Variants in PLD5 observed in about 807,000 individuals in gnomAD.
PLD5 encodes inactive phospholipase D5.
In PLD5, 36 loss-of-function variants were observed where a neutral mutation model predicts 61.1. The observed-to-expected ratio is 0.59, with a 90% CI of 0.45 to 0.78. The LOEUF (loss-of-function observed/expected upper bound fraction) is 0.78, where lower values mean the gene tolerates loss of function less well. Among genes scored for constraint, PLD5 ranks in the 30% least tolerant of loss-of-function variants. The pLI is 0.00. For synonymous variants in PLD5, 243 were observed against 242.8 expected (o/e 1.00, Z -0.01); for missense variants, 515 against 644.4 (o/e 0.80, Z 2.17).
intron 1 of PLD5, among the ~76,000 whole-genome samples, chr1:242,491,881 CT>C (rs1434405252): frequency 6.6e-6 from 1 of 152,190 alleles, no homozygotes; most frequent in Admixed American, 6.5e-5. Context: ...TCATTTATCC[CT>C]TCCTTCTTCA....
At chr1:242,143,882 C>A (rs1017196729) in intron 5 of PLD5, among the ~76,000 whole-genome samples, 2 of 151,168 alleles carry the variant, frequency 1.3e-5, no homozygotes, top group Non-Finnish European at 2.9e-5. Flanking sequence ...TGATCTGTTG[C>A]CCAGGCTGGA....
chr1:242,307,356 A>ATGATGG, intron 2 of PLD5, among the ~76,000 whole-genome samples: 1 of 149,298 alleles, frequency 6.7e-6, no homozygotes, highest in Non-Finnish European at 1.5e-5. Context: ...GACGGTGATG[A>ATGATGG]TGATGGTGAT....
intron 4 of PLD5, among the ~76,000 whole-genome samples, chr1:242,253,093 G>A (rs1274699245): frequency 6.7e-6 from 1 of 149,080 alleles, no homozygotes; most frequent in Non-Finnish European, 1.5e-5. Flanking sequence ...GGGATTACAG[G>A]CGTGAGCCAC....
At chr1:242,233,784 C>T (rs1671463897) in intron 4 of PLD5, among the ~76,000 whole-genome samples, 1 of 152,050 alleles carries the variant, frequency 6.6e-6, no homozygotes, top group Non-Finnish European at 1.5e-5. Context: ...GCAAACAGCC[C>T]CCCTCTAGCT....
intron 2 of PLD5, among the ~76,000 whole-genome samples, chr1:242,296,524 C>G (rs1315294730): frequency 6.6e-6 from 1 of 152,168 alleles, no homozygotes; most frequent in Non-Finnish European, 1.5e-5. Context: ...TGACTCGCTA[C>G]CTATGTGGCA....
chr1:242,466,825 G>A lies in PLD5; in HGVS notation c.189+57263C>T, dbSNP rs1361759510. On this transcript the variant is annotated intron_variant, in intron 1 of 9. Transcript: ENST00000536534. ...GGAGAATCGCTTGAACCCAGGAGGCGGAAGTTGCAGTGAGCTGAGATTGCG... is the reference window on the plus strand; with the variant it reads ...GGAGAATCGCTTGAACCCAGGAGGCAGAAGTTGCAGTGAGCTGAGATTGCG... Among the ~76,000 whole-genome samples the A allele has an allele frequency of 5.3e-5, 8 of 151,904 alleles. No individual in the cohort carries two copies. In the East Asian group the frequency reaches 1.2e-3, roughly 22 times the overall value.
intron 5 of PLD5, among the ~76,000 whole-genome samples, chr1:242,150,111 AG>A (rs931064626): frequency 1.3e-5 from 2 of 151,628 alleles, no homozygotes; most frequent in Non-Finnish European, 3.0e-5. Flanking sequence ...GATATTGTCC[AG>A]ATTTTTTTAT....
chr1:242,387,533 G>A (rs1662665225), intron 1 of PLD5, among the ~76,000 whole-genome samples: 1 of 151,934 alleles, frequency 6.6e-6, no homozygotes, highest in East Asian at 1.9e-4. Flanking sequence ...GGTTTCAAAT[G>A]TTCTAGAAAT....
At chr1:242,161,367 C>A (rs566673388) in intron 5 of PLD5, among the ~76,000 whole-genome samples, 3 of 152,044 alleles carry the variant, frequency 2.0e-5, no homozygotes, top group African/African-American at 7.2e-5. Flanking sequence ...AAAGACCCGC[C>A]CTCCCACGAA....
At chr1:242,248,805 C>A (rs1360365569) in intron 4 of PLD5, among the ~76,000 whole-genome samples, 3 of 152,190 alleles carry the variant, frequency 2.0e-5, no homozygotes, top group Non-Finnish European at 4.4e-5. Context: ...TATCTCCACA[C>A]TCCCTCTGCT....
chr1:242,083,221 A>T lies in PLD5; in HGVS notation c.*6633T>A, dbSNP rs1659330962. ...TGTGTCTATTCTGGCTGTGCTTCCT[A>T]TTCATCATTTACTTTCTGGTGTTCA... On this transcript the variant is annotated 3_prime_UTR_variant, in exon 10 of 10. Transcript: ENST00000536534. 1.3e-5 allele frequency: 2 copies of T among 152,128 alleles called. No homozygotes were observed. Among genetic ancestry groups the T allele is most frequent in the African/African-American group, 4.8e-5 (2 of 41,430 alleles). The allele number at this position is 152,128 out of a possible 1,614,324, so 9.4% of individuals were successfully genotyped here.
rs536133505 is a variant in PLD5 at position 242,485,474 on chromosome 1, A to G, written c.189+38614T>C. On this transcript the variant is annotated intron_variant, in intron 1 of 9. Coordinates refer to ENST00000536534, the MANE Select transcript of PLD5 (RefSeq NM_001372062.1). ...GAACTCTCATCCACAATTTCTTCAA[A>G]GAGAATAACATACCTAGGAATCCAA... Among the ~76,000 whole-genome samples, 6 of 152,350 alleles carry G rather than the reference A, an allele frequency of 3.9e-5. No homozygotes were observed. The East Asian group carries it at 1.2e-3, about 29-fold the overall frequency.
At chr1:242,111,372 C>A (rs12141844) in intron 7 of PLD5, among the ~76,000 whole-genome samples, 11,226 of 152,102 alleles carry the variant, frequency 0.074, 515 homozygotes, top group South Asian at 0.18. Context: ...CTGAATTTTT[C>A]CTGTAGGATT....
intron 1 of PLD5, among the ~76,000 whole-genome samples, chr1:242,395,043 G>GAATATATATGTATATATGAATGTATGAA (rs879927435): frequency 1.6e-4 from 11 of 67,458 alleles, no homozygotes; most frequent in South Asian, 1.2e-3. Flanking sequence ...GAATGTATAT[G>GAATATATATGTATATATGAATGTATGAA]TATATATGAA....
At chr1:242,111,453 T>C (rs886102928) in intron 7 of PLD5, among the ~76,000 whole-genome samples, 1 of 152,226 alleles carries the variant, frequency 6.6e-6, no homozygotes, top group African/African-American at 2.4e-5. Context: ...TCTAACACTA[T>C]TGCTAAATAA....
At chr1:242,109,968 A>G (rs1661351420) in intron 7 of PLD5, among the ~76,000 whole-genome samples, 1 of 151,294 alleles carries the variant, frequency 6.6e-6, no homozygotes, top group Admixed American at 6.6e-5. Flanking sequence ...GACTATTAGA[A>G]CACAGAGGTG....
Position 242,289,449 on chromosome 1 carries a change from A to G in PLD5, c.327-919T>C, listed in dbSNP as rs75103792. ...CTGCATCCTCCGCCTCCCAGGTTCA[A>G]GCAGTTCTCCTGCCTCAGCCTCCCA... On this transcript the variant is annotated intron_variant, in intron 2 of 9. Coordinates refer to ENST00000536534, the MANE Select transcript of PLD5 (RefSeq NM_001372062.1). Among the ~76,000 whole-genome samples, 967 of 152,270 alleles carry G rather than the reference A, an allele frequency of 6.4e-3. 10 individuals are homozygous for G. Among genetic ancestry groups the G allele is most frequent in the Non-Finnish European group, 8.6e-3 (583 of 68,020 alleles).
intron 7 of PLD5, among the ~76,000 whole-genome samples, chr1:242,111,895 T>G (rs1439825786): frequency 6.6e-6 from 1 of 152,156 alleles, no homozygotes; most frequent in Non-Finnish European, 1.5e-5. Context: ...TTCAAGTGAG[T>G]CTCTGATTCT....
chr1:242,268,699 T>C (rs1673865151), intron 3 of PLD5, among the ~76,000 whole-genome samples: 1 of 152,224 alleles, frequency 6.6e-6, no homozygotes, highest in African/African-American at 2.4e-5. Context: ...TTCTATTAAA[T>C]CGTCTTCAGT....
Sources: allele counts gnomAD v4.1 joint callset (sites outside exome capture counted in the v4.1 genomes callset), GRCh38; gene constraint gnomAD v4.1.1; transcripts MANE v1.5; gene names NCBI Gene and HGNC (gene_info 2026-07-23, HGNC 2026-07-21).